RAB27B: variants seen among roughly 807,000 people sequenced by gnomAD.
RAB27B encodes the protein RAB27B, member RAS oncogene family.
In RAB27B, 15 loss-of-function variants were observed where a neutral mutation model predicts 24.6. The observed-to-expected ratio is 0.61, with a 90% CI of 0.41 to 0.94. RAB27B has a LOEUF of 0.94. Among genes scored for constraint, RAB27B ranks in the 40% least tolerant of loss-of-function variants. RAB27B has a pLI of 0.00. For synonymous variants in RAB27B, 105 were observed against 92.5 expected (o/e 1.14, Z -0.78); for missense variants, 261 against 266.8 (o/e 0.98, Z 0.15).
intron 1 of RAB27B, among the ~76,000 whole-genome samples, chr18:54,849,582 G>A (rs1317514553): frequency 1.3e-5 from 2 of 152,088 alleles, no homozygotes; most frequent in Non-Finnish European, 2.9e-5. Flanking sequence ...TTAGCCAGAC[G>A]TGGTGGCATG....
At chr18:54,877,784 A>G (rs774364206) in intron 2 of RAB27B, 46 bp downstream of exon 2, 24 of 1,506,824 alleles carry the variant, frequency 1.6e-5, no homozygotes, top group Non-Finnish European at 2.1e-5. Flanking sequence ...ATCCCCCTAT[A>G]TAAAATAAGA....
chr18:54,762,426 A>G (rs1908219835), intron 2 of RAB27B, among the ~76,000 whole-genome samples: 1 of 152,074 alleles, frequency 6.6e-6, no homozygotes. Context: ...TAAGCCATCC[A>G]GTTGGTTGTA....
intron 2 of RAB27B, among the ~76,000 whole-genome samples, chr18:54,766,555 G>A (rs1234946066): frequency 6.6e-6 from 1 of 151,852 alleles, no homozygotes; most frequent in Non-Finnish European, 1.5e-5. Flanking sequence ...TTAAATACGT[G>A]CTAAAATACC....
At chr18:54,823,603 G>C (rs1251243616), upstream of RAB27B, among the ~76,000 whole-genome samples, 1 of 152,114 alleles carries the variant, frequency 6.6e-6, no homozygotes, top group Non-Finnish European at 1.5e-5. Flanking sequence ...GTTCTGCACT[G>C]CATCCCCCAT....
At chr18:54,735,842 T>G (rs1415137236) in intron 2 of RAB27B, among the ~76,000 whole-genome samples, 1 of 152,118 alleles carries the variant, frequency 6.6e-6, no homozygotes, top group Non-Finnish European at 1.5e-5. Context: ...TGATAGAATT[T>G]ATAACCATTT....
At chr18:54,844,153 GAT>G (rs1318754320) in intron 1 of RAB27B, among the ~76,000 whole-genome samples, 4 of 152,112 alleles carry the variant, frequency 2.6e-5, no homozygotes, top group Non-Finnish European at 5.9e-5. Context: ...TCTTCTGAGG[GAT>G]ATAACTGTGG....
At chr18:54,834,127 T>C (rs1910801063) in intron 1 of RAB27B, among the ~76,000 whole-genome samples, 1 of 152,202 alleles carries the variant, frequency 6.6e-6, no homozygotes, top group Non-Finnish European at 1.5e-5. Context: ...GAATTGATAG[T>C]GAAAGTATAG....
intron 1 of RAB27B, among the ~76,000 whole-genome samples, chr18:54,840,546 T>G (rs1211388889): frequency 2.0e-5 from 3 of 152,210 alleles, no homozygotes; most frequent in African/African-American, 7.2e-5. Context: ...TGGATGGCAG[T>G]GCTATGACCT....
intron 2 of RAB27B, among the ~76,000 whole-genome samples, chr18:54,731,421 T>C (rs74745422): frequency 5.3e-5 from 8 of 152,324 alleles, no homozygotes; most frequent in Non-Finnish European, 1.0e-4. Flanking sequence ...TGGATGCATA[T>C]GAAATCTTCA....
At chr18:54,762,921 G>A (rs145488105) in intron 2 of RAB27B, among the ~76,000 whole-genome samples, 1 of 152,054 alleles carries the variant, frequency 6.6e-6, no homozygotes, top group Admixed American at 6.6e-5. Context: ...GGTTCAGTGT[G>A]TGTCACAATG....
intron 2 of RAB27B, among the ~76,000 whole-genome samples, chr18:54,769,454 TTTGTTG>T (rs201277404): frequency 5.7e-4 from 25 of 43,914 alleles, no homozygotes; most frequent in African/African-American, 1.1e-3. Flanking sequence ...ATCTTGTTTT[TTTGTTG>T]TTGTTGTTGT....
At chr18:54,874,102 C>A (rs1401766070) in intron 1 of RAB27B, among the ~76,000 whole-genome samples, 2 of 152,176 alleles carry the variant, frequency 1.3e-5, no homozygotes. Flanking sequence ...AGAGAACAGT[C>A]TGGCTGCCAA....
intron 1 of RAB27B, among the ~76,000 whole-genome samples, chr18:54,841,558 G>T (rs569840335): frequency 1.3e-5 from 2 of 152,242 alleles, no homozygotes; most frequent in South Asian, 4.1e-4. Flanking sequence ...AGATGCTGTG[G>T]TAATTCTGCA....
intron 2 of RAB27B, among the ~76,000 whole-genome samples, chr18:54,773,254 C>G (rs541450006): frequency 6.6e-6 from 1 of 152,268 alleles, no homozygotes; most frequent in South Asian, 2.1e-4. Context: ...GGTCATCATT[C>G]AATACAGGGA....
intron 2 of RAB27B, among the ~76,000 whole-genome samples, chr18:54,792,812 G>A (rs998786561): frequency 1.3e-5 from 2 of 152,136 alleles, no homozygotes; most frequent in South Asian, 2.1e-4. Context: ...CTAAAGTTCC[G>A]GTAGTACTCA....
intron 2 of RAB27B, among the ~76,000 whole-genome samples, chr18:54,796,356 C>T (rs574677646): frequency 2.0e-5 from 3 of 152,346 alleles, no homozygotes; most frequent in East Asian, 1.9e-4. Context: ...TCTGTCTTAT[C>T]GTAAGGGCAG....
At chr18:54,883,767 G>T (rs936569998) in intron 3 of RAB27B, among the ~76,000 whole-genome samples, 1 of 151,488 alleles carries the variant, frequency 6.6e-6, no homozygotes, top group Non-Finnish European at 1.5e-5. Flanking sequence ...CCTTTTCCTC[G>T]TGAATCCTAG....
chr18:54,756,087 AAAG>A (rs1907996511), intron 2 of RAB27B, among the ~76,000 whole-genome samples: 1 of 152,196 alleles, frequency 6.6e-6, no homozygotes. Flanking sequence ...ACTGAATAAT[AAAG>A]AATCATAACT....
At chr18:54,778,563 G>T (rs932365850) in intron 2 of RAB27B, among the ~76,000 whole-genome samples, 10 of 152,196 alleles carry the variant, frequency 6.6e-5, no homozygotes, top group African/African-American at 2.2e-4. Flanking sequence ...CAGACAATTT[G>T]CTTGGTTCTA....
Sources: gnomAD v4.1 joint callset for allele counts (sites outside exome capture counted in the v4.1 genomes callset) on GRCh38, gnomAD v4.1.1 for gene constraint, MANE v1.5 for transcripts, NCBI Gene and HGNC (gene_info 2026-07-23, HGNC 2026-07-21) for gene names.